ATP1A2: variants seen among roughly 807,000 people sequenced by gnomAD.
ATP1A2 encodes ATPase Na+/K+ transporting subunit alpha 2.
Under a neutral mutation model 113.1 loss-of-function variants are expected in ATP1A2, and 56 were observed. The observed-to-expected ratio is 0.49, with a 90% CI of 0.40 to 0.62. ATP1A2 has a LOEUF of 0.62. Ranked by LOEUF, ATP1A2 falls within the 20% of genes least tolerant of loss-of-function variation. ATP1A2 has a pLI of 0.00. For synonymous variants in ATP1A2, 490 were observed against 526.8 expected (o/e 0.93, Z 0.96); for missense variants, 712 against 1,357.8 (o/e 0.52, Z 7.47).
chr1:160,119,112 G>A (rs1651286080), intron 1 of ATP1A2, among the ~76,000 whole-genome samples: 1 of 151,720 alleles, frequency 6.6e-6, no homozygotes, highest in African/African-American at 2.4e-5. Flanking sequence ...GTTGATAGTG[G>A]GTGAGGCTGT....
chr1:160,130,694 T>C (rs1434321362), intron 13 of ATP1A2, 97 bp downstream of exon 13: 15 of 1,539,732 alleles, frequency 9.7e-6, no homozygotes, highest in African/African-American at 1.4e-5. Context: ...CAGGCCACGG[T>C]GGCCTCCTTC....
chr1:160,135,306 C>T lies in ATP1A2; in HGVS notation c.2115+11C>T, dbSNP rs776636750. The T allele has an allele frequency of 3.1e-6, 5 of 1,614,110 alleles. No individual in the cohort carries two copies. Among genetic ancestry groups the T allele is most frequent in the East Asian group, 2.2e-5 (1 of 44,864 alleles). ...GGATGTCAGAGGCAGGTGAGCACAGCCACGGGAGGCAGATGACAGGCAGGG... is the reference window on the plus strand; with the variant it reads ...GGATGTCAGAGGCAGGTGAGCACAGTCACGGGAGGCAGATGACAGGCAGGG... On this transcript the variant is annotated intron_variant, in intron 15 of 22. Coordinates refer to ENST00000361216, the MANE Select transcript of ATP1A2 (RefSeq NM_000702.4). This position sits in a 1 kb window ranked among gnomAD's most constrained non-coding sequence, Gnocchi z 6.3.
In ATP1A2 at chr1:160,136,227, C is replaced by A; in HGVS notation, c.2440-20C>A. The A allele has an allele frequency of 6.2e-7, 1 of 1,614,086 alleles. No individual in the cohort carries two copies. The highest frequency in any genetic ancestry group is 8.5e-7 in the Non-Finnish European group (1 of 1,180,002). On this transcript the variant is annotated intron_variant, in intron 17 of 22. Coordinates refer to ENST00000361216, the MANE Select transcript of ATP1A2 (RefSeq NM_000702.4). The stretch of plus-strand genomic sequence containing the variant: ...CGTCCCTTCAAATGCCCTCCCTGCC[C>A]CATTTCCTACCCCACACAGGTCCCT...
intron 1 of ATP1A2, among the ~76,000 whole-genome samples, chr1:160,119,789 A>T (rs1365971625): frequency 2.0e-5 from 3 of 150,564 alleles, no homozygotes; most frequent in African/African-American, 7.3e-5. Flanking sequence ...AGGTGGGAGG[A>T]TCACTTGAGC....
At position 160,130,084 on chromosome 1, in the gene ATP1A2, T is replaced by C. The variant is rs748946281; in HGVS notation, c.1462-18T>C. 5.0e-6 allele frequency: 8 copies of C among 1,614,034 alleles called. No individual in the cohort carries two copies. In the East Asian group the frequency reaches 1.8e-4, roughly 36 times the overall value. ...AGACAAGTATGGCCCTCTCTGTAAC[T>C]ACCTGTTGTCTCTCCAGCTGTCTAT... On this transcript the variant is annotated intron_variant, in intron 11 of 22. Coordinates refer to ENST00000361216, the MANE Select transcript of ATP1A2 (RefSeq NM_000702.4).
At chr1:160,133,928 A>C (rs1299357241) in intron 13 of ATP1A2, among the ~76,000 whole-genome samples, 4 of 151,954 alleles carry the variant, frequency 2.6e-5, no homozygotes, top group Admixed American at 6.6e-5. Context: ...TAAGCAAACT[A>C]TCTCTCTCTA....
In ATP1A2 at chr1:160,124,148, G is replaced by A. The variant is rs1185883669; in HGVS notation, c.495+92G>A. The A allele has an allele frequency of 2.5e-6, 4 of 1,571,888 alleles. No individual in the cohort carries two copies. In the African/African-American group the frequency reaches 5.4e-5, roughly 21 times the overall value. On this transcript the variant is annotated intron_variant, in intron 5 of 22. Transcript: ENST00000361216. ...GTCAGCTCCCAGGCTCTAAGATAGA[G>A]ATGGACAGAAAAGATCCTCCAGCTT... is the stretch of plus-strand genomic sequence containing the variant.
In ATP1A2 at chr1:160,124,439, G is replaced by T. The variant is rs1193695925; in HGVS notation, c.630+9G>T. Reference sequence around the variant, plus strand: ...CTTCTCATGGCTGTAAGGTGAGGAGGTCATACCAGAGCAAGCAGTTGAGTC... The same window carrying T: ...CTTCTCATGGCTGTAAGGTGAGGAGTTCATACCAGAGCAAGCAGTTGAGTC... On this transcript the variant is annotated intron_variant, in intron 6 of 22. Transcript: ENST00000361216. 1 of 1,601,620 alleles carries T rather than the reference G, an allele frequency of 6.2e-7. No individual in the cohort carries two copies. The highest frequency in any genetic ancestry group is 1.7e-5 in the Admixed American group (1 of 58,370).
intron 1 of ATP1A2, among the ~76,000 whole-genome samples, chr1:160,116,417 G>T (rs555873690): frequency 1.3e-4 from 20 of 151,782 alleles, no homozygotes; most frequent in Non-Finnish European, 2.1e-4. Flanking sequence ...GCTGGGCGGG[G>T]TGTGGGGAGG....
chr1:160,116,531 G>A (rs1651189605), intron 1 of ATP1A2, among the ~76,000 whole-genome samples: 1 of 38,788 alleles, frequency 2.6e-5, no homozygotes, highest in African/African-American at 7.3e-5. Flanking sequence ...CCAGAGGCTG[G>A]TGACAGGTGA....
In ATP1A2 at chr1:160,142,915, A is replaced by G. The variant is rs1255497545; in HGVS notation, c.*1593A>G. 1 of 152,028 alleles carries G rather than the reference A, an allele frequency of 6.6e-6. No individual in the cohort carries two copies. The highest frequency in any genetic ancestry group is 2.4e-5 in the African/African-American group (1 of 41,366). The allele number at this position is 152,028 out of a possible 1,614,324, so 9.4% of individuals were successfully genotyped here. On this transcript the variant is annotated 3_prime_UTR_variant, in exon 23 of 23. Coordinates refer to ENST00000361216, the MANE Select transcript of ATP1A2 (RefSeq NM_000702.4). ...TGTGCCCACTTACCCTGGGCTGGAGAGTTGGTTTCAGGTTCCTACAGGAGA... is the reference window on the plus strand; with the variant it reads ...TGTGCCCACTTACCCTGGGCTGGAGGGTTGGTTTCAGGTTCCTACAGGAGA...
At chr1:160,134,033 C>T (rs1651844229) in intron 13 of ATP1A2, among the ~76,000 whole-genome samples, 1 of 151,688 alleles carries the variant, frequency 6.6e-6, no homozygotes, top group Non-Finnish European at 1.5e-5. Context: ...CTCACATACA[C>T]ACACATCCCA....
intron 4 of ATP1A2, 58 bp downstream of exon 4, chr1:160,123,474 C>T: frequency 6.2e-7 from 1 of 1,607,784 alleles, no homozygotes. Context: ...CCCTGAACCC[C>T]CAACACAGTG....
chr1:160,122,420 G>GAAAAAAAA (rs112709297), intron 3 of ATP1A2, among the ~76,000 whole-genome samples: 2 of 137,136 alleles, frequency 1.5e-5, no homozygotes. Flanking sequence ...ATGAATGAAT[G>GAAAAAAAA]AAAAAAAAAA....
At position 160,139,675 on chromosome 1, in the gene ATP1A2, C is replaced by T. The variant is rs1226796744; in HGVS notation, c.2876C>T (p.Thr959Met). The change falls in exon 21 of 23, where the codon ACG becomes ATG. Residue 959 changes from threonine (T) to methionine (M), a missense_variant. This residue lies in a region of ATP1A2 where 188 missense variants were observed against 438.9 expected (regional missense o/e 0.43). Transcript: ENST00000361216. ...CTGATTTTTGGGCTCCTGGAGGAGA[C>T]GGCGTTGGCTGCCTTTCTCTCTTAC... is the stretch of plus-strand genomic sequence containing the variant. The part of the protein sequence containing the change: ...KILIFGLLEE[T>M]ALAAFLSYCP... The T allele has an allele frequency of 6.2e-6, 10 of 1,614,040 alleles. No individual in the cohort carries two copies. The highest frequency in any genetic ancestry group is 3.3e-5 in the Admixed American group (2 of 60,002).
At chr1:160,129,513 C>T in intron 11 of ATP1A2, 113 bp downstream of exon 11, 1 of 1,515,398 alleles carries the variant, frequency 6.6e-7, no homozygotes, top group Non-Finnish European at 9.0e-7. Context: ...GGGTCATGTT[C>T]CCTCCCCCTG....
chr1:160,138,639 T>C (rs565286627), intron 20 of ATP1A2, among the ~76,000 whole-genome samples: 1 of 152,028 alleles, frequency 6.6e-6, no homozygotes, highest in Non-Finnish European at 1.5e-5. Context: ...CCCAAGAGTT[T>C]GGTACTAGCC....
At chr1:160,132,726 A>G (rs1651809460) in intron 13 of ATP1A2, among the ~76,000 whole-genome samples, 2 of 152,184 alleles carry the variant, frequency 1.3e-5, no homozygotes, top group Non-Finnish European at 2.9e-5. Context: ...GGAAAGACAG[A>G]TGTTCCAGTG....
At chr1:160,141,224 C>G (rs1375083151) in intron 22 of ATP1A2, 70 bp from the exon 23 acceptor site, 1 of 1,596,966 alleles carries the variant, frequency 6.3e-7, no homozygotes, top group East Asian at 2.2e-5. Context: ...CGACCCAAGC[C>G]CCTAGGAAAT....
Sources: allele counts gnomAD v4.1 joint callset (sites outside exome capture counted in the v4.1 genomes callset), GRCh38; gene constraint gnomAD v4.1.1; regional missense constraint gnomAD v4.1.1; non-coding constraint Gnocchi (gnomAD v3.1); transcripts MANE v1.5; gene names NCBI Gene and HGNC (gene_info 2026-07-23, HGNC 2026-07-21).